Variants in CPXM2 observed in about 807,000 individuals in gnomAD.
The protein encoded by CPXM2 is carboxypeptidase X, M14 family member 2, also known as inactive carboxypeptidase-like protein X2.
CPXM2 carries 66 observed loss-of-function variants against 86.1 expected under a neutral mutation model. The ratio of observed to expected loss-of-function variants is 0.77; its 90% CI spans 0.63 to 0.94. The LOEUF is 0.94. Among genes scored for constraint, CPXM2 ranks in the 40% least tolerant of loss-of-function variants. The pLI is 0.00. For missense variants in CPXM2, 948 were observed against 1,026.3 expected (o/e 0.92, Z 1.04); for synonymous variants, 388 against 400.2 (o/e 0.97, Z 0.36).
chr10:123,838,730 A>C (rs1217176811), intron 4 of CPXM2, among the ~76,000 whole-genome samples: 2 of 151,610 alleles, frequency 1.3e-5, no homozygotes, highest in East Asian at 1.9e-4. Flanking sequence ...TCTAATTCCA[A>C]CTCTGCCATG....
intron 4 of CPXM2, among the ~76,000 whole-genome samples, chr10:123,817,583 A>T (rs1847838604): frequency 6.6e-6 from 1 of 152,210 alleles, no homozygotes; most frequent in African/African-American, 2.4e-5. Flanking sequence ...AGCAGCATTC[A>T]TCATCAAATA....
At chr10:123,793,395 G>T (rs766828089) in intron 6 of CPXM2, among the ~76,000 whole-genome samples, 4 of 150,640 alleles carry the variant, frequency 2.7e-5, no homozygotes. Context: ...CCTGGGAGGC[G>T]GAGGTTGCAG....
intron 2 of CPXM2, among the ~76,000 whole-genome samples, chr10:123,868,643 T>C (rs1283237026): frequency 6.6e-6 from 1 of 152,050 alleles, no homozygotes; most frequent in East Asian, 1.9e-4. Flanking sequence ...ATCACGGTAA[T>C]TGTCACGGTA....
At chr10:123,788,367 T>C (rs909489026) in intron 6 of CPXM2, among the ~76,000 whole-genome samples, 2 of 151,904 alleles carry the variant, frequency 1.3e-5, no homozygotes, top group African/African-American at 4.8e-5. Context: ...CAGGGCAAGT[T>C]CTTTTAACTA....
At chr10:123,794,797 G>T (rs1847293673) in intron 6 of CPXM2, among the ~76,000 whole-genome samples, 1 of 151,486 alleles carries the variant, frequency 6.6e-6, no homozygotes, top group Admixed American at 6.6e-5. Context: ...TTGAGACAGG[G>T]TCTCACTCTG....
chr10:123,912,843 G>A (rs78051524), intron 2 of CPXM2, among the ~76,000 whole-genome samples: 4,232 of 152,284 alleles, frequency 0.028, 188 homozygotes, highest in African/African-American at 0.096. Context: ...CACACAACAG[G>A]TTCAACTACT....
intron 6 of CPXM2, among the ~76,000 whole-genome samples, chr10:123,786,905 A>ATGTCCCAAGGATG (rs1847070776): frequency 6.6e-6 from 1 of 152,154 alleles, no homozygotes; most frequent in Non-Finnish European, 1.5e-5. Flanking sequence ...GGATGTCATC[A>ATGTCCCAAGGATG]TTTGCCTCAG....
intron 2 of CPXM2, among the ~76,000 whole-genome samples, chr10:123,935,047 G>A (rs970826517): frequency 3.9e-5 from 6 of 152,162 alleles, no homozygotes; most frequent in East Asian, 3.9e-4. Flanking sequence ...CAGCTCCAGC[G>A]TTGATTAGCA....
chr10:123,904,587 A>G (rs1178614004), intron 2 of CPXM2, among the ~76,000 whole-genome samples: 1 of 152,064 alleles, frequency 6.6e-6, no homozygotes, highest in Non-Finnish European at 1.5e-5. Context: ...TTTATTACTG[A>G]GCTATGACCG....
intron 3 of CPXM2, among the ~76,000 whole-genome samples, chr10:123,855,915 G>T (rs1043685774): frequency 9.9e-5 from 15 of 152,118 alleles, no homozygotes; most frequent in African/African-American, 3.6e-4. Flanking sequence ...TTTCCTCCTG[G>T]AAGAGCTGCA....
chr10:123,923,773 G>A (rs532643718), intron 2 of CPXM2, among the ~76,000 whole-genome samples: 11 of 152,176 alleles, frequency 7.2e-5, no homozygotes, highest in East Asian at 5.8e-4. Flanking sequence ...TACTATTCTC[G>A]TAGTGAATTA....
At chr10:123,822,455 A>G (rs953397313) in intron 4 of CPXM2, among the ~76,000 whole-genome samples, 1 of 152,168 alleles carries the variant, frequency 6.6e-6, no homozygotes, top group African/African-American at 2.4e-5. Context: ...GAGATTGCAT[A>G]CTAACTATAA....
At chr10:123,822,203 C>T (rs1219711) in intron 4 of CPXM2, among the ~76,000 whole-genome samples, 97,425 of 152,126 alleles carry the variant, frequency 0.64, 33,662 homozygotes, top group Non-Finnish European at 0.77. Flanking sequence ...ACAATTTATC[C>T]TCAAGTGTCC....
rs531142641 is a variant in CPXM2 at position 123,865,694 on chromosome 10, C to G, written c.404-2971G>C. 1.3e-5 allele frequency among the ~76,000 whole-genome samples: 2 copies of G among 152,272 alleles called. No individual in the cohort carries two copies. Among genetic ancestry groups the G allele is most frequent in the East Asian group, 3.9e-4 (2 of 5,178 alleles). Reference sequence around the variant, plus strand: ...AACAAGGGGACGCCAAATTCACAACCGACATGGGGCACGGGACGGGCACCT... The same window carrying G: ...AACAAGGGGACGCCAAATTCACAACGGACATGGGGCACGGGACGGGCACCT... On this transcript the variant is annotated intron_variant, in intron 2 of 13. Coordinates refer to ENST00000241305, the MANE Select transcript of CPXM2 (RefSeq NM_198148.3). The surrounding 1 kb of genome is among the most constrained non-coding windows in gnomAD (Gnocchi z 4.7).
intron 3 of CPXM2, among the ~76,000 whole-genome samples, chr10:123,853,567 G>A (rs1848646348): frequency 6.6e-6 from 1 of 152,212 alleles, no homozygotes; most frequent in African/African-American, 2.4e-5. Flanking sequence ...TTCCAGAGGT[G>A]TGTTGTGTTT....
intron 2 of CPXM2, among the ~76,000 whole-genome samples, chr10:123,920,223 A>G (rs1945569612): frequency 6.6e-6 from 1 of 152,270 alleles, no homozygotes; most frequent in Non-Finnish European, 1.5e-5. Flanking sequence ...AGGGAAACCA[A>G]AAGATTATTG....
chr10:123,930,667 G>T (rs1945660266), intron 2 of CPXM2, among the ~76,000 whole-genome samples: 2 of 152,212 alleles, frequency 1.3e-5, no homozygotes, highest in African/African-American at 4.8e-5. Flanking sequence ...ATTTGAAATT[G>T]CATAACACTC....
At chr10:123,874,675 C>T (rs1944951512) in intron 2 of CPXM2, among the ~76,000 whole-genome samples, 1 of 152,146 alleles carries the variant, frequency 6.6e-6, no homozygotes, top group African/African-American at 2.4e-5. Context: ...GGTTTTATCA[C>T]AGAAGCTTTG....
Position 123,746,697 on chromosome 10 carries a change from T to A in CPXM2, c.*67A>T. 6.9e-7 allele frequency: 1 copy of A among 1,458,364 alleles called. No homozygotes were observed. Among genetic ancestry groups the A allele is most frequent in the Non-Finnish European group, 9.5e-7 (1 of 1,053,260 alleles). The allele number at this position is 1,458,364 out of a possible 1,614,324, so 90.3% of individuals were successfully genotyped here. A position where few individuals can be genotyped will look rare whatever the true frequency, so the allele number is the denominator to read the frequency against. ...AGGAAACAACAGTGAGTGAGTCCACTATGGAGCTACTACCAGGTTGGTTTA... is the reference window on the plus strand; with the variant it reads ...AGGAAACAACAGTGAGTGAGTCCACAATGGAGCTACTACCAGGTTGGTTTA... On this transcript the variant is annotated 3_prime_UTR_variant, in exon 14 of 14. Transcript: ENST00000241305.
Sources: allele counts gnomAD v4.1 joint callset (sites outside exome capture counted in the v4.1 genomes callset), GRCh38; gene constraint gnomAD v4.1.1; non-coding constraint Gnocchi (gnomAD v3.1); transcripts MANE v1.5; gene names NCBI Gene and HGNC (gene_info 2026-07-23, HGNC 2026-07-21).